LMLN: variants seen among roughly 807,000 people sequenced by gnomAD.
LMLN encodes leishmanolysin-like peptidase.
In LMLN, 70 loss-of-function variants were observed where a neutral mutation model predicts 92.3. The observed-to-expected ratio is 0.76, with a 90% confidence interval of 0.63 to 0.92. The LOEUF is 0.92. LMLN is among the 40% of genes least tolerant of loss of function. The pLI, the probability that LMLN is intolerant of heterozygous loss-of-function variation, is 0.00. For missense variants in LMLN, 691 were observed against 814.6 expected (o/e 0.85, Z 1.85); for synonymous variants, 308 against 296.2 (o/e 1.04, Z -0.41).
chr3:197,960,554 C>A, intron 1 of LMLN, 114 bp downstream of exon 1: 1 of 926,324 alleles, frequency 1.1e-6, no homozygotes, highest in Non-Finnish European at 1.6e-6. Context: ...GAAATTGGGG[C>A]AGAGCCTGAC....
rs1723297316 is a variant in LMLN, at chr3:198,038,491, C to T, written c.1868-76C>T. 9.7e-6 allele frequency: 10 copies of T among 1,029,168 alleles called. No homozygotes were observed. In the Admixed American group the frequency reaches 1.7e-4, roughly 18 times the overall value. 63.8% of individuals were successfully genotyped at this position (1,029,168 alleles called of 1,614,324 possible). A position where few individuals can be genotyped will look rare whatever the true frequency, so the allele number is the denominator to read the frequency against. ...TTACTTTTTAATAATCACTGCTCTTCATCTGTCAATATTTAATTGGTATGA... is the reference window on the plus strand; with the variant it reads ...TTACTTTTTAATAATCACTGCTCTTTATCTGTCAATATTTAATTGGTATGA... On this transcript the variant is annotated intron_variant, in intron 15 of 15. Coordinates refer to ENST00000330198, the Ensembl canonical transcript of LMLN.
intron 1 of LMLN, among the ~76,000 whole-genome samples, chr3:197,967,910 ACT>A (rs757733214): frequency 1.6e-4 from 24 of 151,978 alleles, no homozygotes; most frequent in African/African-American, 4.8e-4. Context: ...CCATTTATAG[ACT>A]CTCTGCAACA....
At chr3:198,038,521 T>G in intron 15 of LMLN, 46 bp from the exon 17 acceptor site, 1 of 1,321,840 alleles carries the variant, frequency 7.6e-7, no homozygotes, top group Admixed American at 1.7e-5. Context: ...GTATGATTTA[T>G]CCCAAAATTG....
intron 1 of LMLN, among the ~76,000 whole-genome samples, chr3:197,964,132 G>T (rs932620127): frequency 6.6e-6 from 1 of 152,022 alleles, no homozygotes; most frequent in African/African-American, 2.4e-5. Flanking sequence ...ACCTTACTTG[G>T]TCATGTTGGC....
chr3:198,010,164 T>G (rs1722394476), intron 11 of LMLN, among the ~76,000 whole-genome samples: 1 of 152,154 alleles, frequency 6.6e-6, no homozygotes, highest in African/African-American at 2.4e-5. Context: ...TGATGATGAT[T>G]ATTTTTTGAG....
chr3:197,970,523 G>T (rs981728212), intron 1 of LMLN, among the ~76,000 whole-genome samples: 1 of 152,180 alleles, frequency 6.6e-6, no homozygotes, highest in African/African-American at 2.4e-5. Flanking sequence ...TTGTGACAGC[G>T]TGCACAAAGT....
At chr3:197,968,910 C>T (rs1396726578) in intron 1 of LMLN, among the ~76,000 whole-genome samples, 1 of 152,164 alleles carries the variant, frequency 6.6e-6, no homozygotes, top group African/African-American at 2.4e-5. Context: ...TTATTTATTT[C>T]TTAACAGTGT....
intron 13 of LMLN, among the ~76,000 whole-genome samples, chr3:198,024,213 ATT>A (rs1245381667): frequency 1.2e-4 from 16 of 134,948 alleles, no homozygotes; most frequent in African/African-American, 3.0e-4. Context: ...GTGGATCCTA[ATT>A]TTTTTTTTTT....
intron 11 of LMLN, among the ~76,000 whole-genome samples, chr3:198,000,691 G>T (rs947502485): frequency 1.2e-4 from 19 of 152,178 alleles, no homozygotes; most frequent in Non-Finnish European, 1.3e-4. Context: ...GCCTCCCAAA[G>T]TGCTGGGATT....
At chr3:198,032,851 A>G (rs1200065143) in intron 14 of LMLN, among the ~76,000 whole-genome samples, 1 of 152,202 alleles carries the variant, frequency 6.6e-6, no homozygotes, top group East Asian at 1.9e-4. Flanking sequence ...TTCGGAACGA[A>G]CTGGTCCAGC....
chr3:198,005,269 A>C (rs1186587663), intron 11 of LMLN, among the ~76,000 whole-genome samples: 1 of 147,186 alleles, frequency 6.8e-6, no homozygotes, highest in African/African-American at 2.5e-5. Context: ...GATACATATC[A>C]TACGTAGTAA....
intron 3 of LMLN, 46 bp from the exon 4 acceptor site, chr3:197,975,983 C>T: frequency 2.7e-6 from 3 of 1,129,618 alleles, no homozygotes; most frequent in Admixed American, 2.3e-5. Context: ...TATAATTTAT[C>T]TCTTCCTTAT....
At chr3:197,996,383 G>A (rs771387371) in intron 10 of LMLN, 101 bp downstream of exon 10, 22 of 680,226 alleles carry the variant, frequency 3.2e-5, no homozygotes, top group Middle Eastern at 3.2e-4. Flanking sequence ...AAATGTTTAC[G>A]TCCCTTTACC....
intron 13 of LMLN, 29 bp downstream of exon 14, chr3:198,021,634 T>G (rs1158153416): frequency 6.3e-7 from 1 of 1,582,304 alleles, no homozygotes; most frequent in Non-Finnish European, 8.7e-7. Flanking sequence ...TGAAGTATTA[T>G]ATACATATTA....
At chr3:197,993,702 C>A (rs1389550097) in intron 9 of LMLN, among the ~76,000 whole-genome samples, 2 of 151,962 alleles carry the variant, frequency 1.3e-5, no homozygotes, top group Non-Finnish European at 2.9e-5. Context: ...ATCAAAATTC[C>A]AATGTCATTT....
intron 14 of LMLN, among the ~76,000 whole-genome samples, chr3:198,029,508 C>A (rs905701271): frequency 6.6e-6 from 1 of 152,108 alleles, no homozygotes; most frequent in African/African-American, 2.4e-5. Flanking sequence ...CCTGTCTCTA[C>A]TAAAAATACA....
At chr3:197,980,282 A>C in intron 5 of LMLN, 44 bp from the exon 6 acceptor site, 2 of 1,549,236 alleles carry the variant, frequency 1.3e-6, no homozygotes, top group South Asian at 2.3e-5. Flanking sequence ...ACTACAGCTA[A>C]CTTTGTCTCT....
intron 9 of LMLN, 106 bp downstream of exon 9, chr3:197,990,782 A>G (rs1296220282): frequency 8.8e-6 from 5 of 568,082 alleles, no homozygotes. Flanking sequence ...ATTAGAGCCT[A>G]TAGTAGGAAA....
intron 5 of LMLN, 81 bp downstream of exon 5, chr3:197,976,796 C>G (rs1321823525): frequency 1.6e-6 from 1 of 641,082 alleles, no homozygotes; most frequent in African/African-American, 1.9e-5. Flanking sequence ...TTTACAGATT[C>G]AAGTTCAAAG....
Sources: gnomAD v4.1 joint callset for allele counts (sites outside exome capture counted in the v4.1 genomes callset) on GRCh38, gnomAD v4.1.1 for gene constraint, MANE v1.5 for transcripts, NCBI Gene and HGNC (gene_info 2026-07-23, HGNC 2026-07-21) for gene names.